TUBA1C: variants seen among roughly 807,000 people sequenced by gnomAD.
TUBA1C encodes the protein tubulin alpha 1c.
A neutral mutation model predicts 34.9 loss-of-function variants in TUBA1C; 16 were observed. That is an observed-to-expected ratio of 0.46 (90% CI 0.31 to 0.70). The LOEUF is 0.70. Among genes scored for constraint, TUBA1C ranks in the 30% least tolerant of loss-of-function variants. The pLI, the probability that TUBA1C is intolerant of heterozygous loss-of-function variation, is 0.05. For synonymous variants in TUBA1C, 177 were observed against 215.9 expected, an observed-to-expected ratio of 0.82 and a Z score of 1.58; for missense variants, 329 against 587.3, an observed-to-expected ratio of 0.56 and a Z score of 4.55.
chr12:49,267,330 T>A (rs944230908), intron 1 of TUBA1C, among the ~76,000 whole-genome samples: 9 of 152,236 alleles, frequency 5.9e-5, no homozygotes, highest in African/African-American at 2.2e-4. Flanking sequence ...TATCTCCAGC[T>A]TTTTGGGGCT....
At chr12:49,252,104 G>T (rs1942737461) in intron 1 of TUBA1C, among the ~76,000 whole-genome samples, 1 of 152,180 alleles carries the variant, frequency 6.6e-6, no homozygotes, top group Non-Finnish European at 1.5e-5. Flanking sequence ...CTGTTCAGCA[G>T]TAAGAAGGAA....
At chr12:49,239,683 G>C (rs1466330702) in intron 1 of TUBA1C, among the ~76,000 whole-genome samples, 1 of 151,898 alleles carries the variant, frequency 6.6e-6, no homozygotes, top group African/African-American at 2.4e-5. Context: ...GTGAAGCTGG[G>C]TGCAGCTGCG....
chr12:49,259,322 C>T (rs899059504), intron 1 of TUBA1C, among the ~76,000 whole-genome samples: 23 of 151,490 alleles, frequency 1.5e-4, no homozygotes, highest in South Asian at 6.2e-4. Context: ...ACCTCTGCCT[C>T]CCGGGTTCAA....
intron 1 of TUBA1C, among the ~76,000 whole-genome samples, chr12:49,254,657 TGGGAACCCGGTAGTTTA>T (rs1942765094): frequency 6.6e-6 from 1 of 152,158 alleles, no homozygotes; most frequent in South Asian, 2.1e-4. Context: ...TTTGGAACTC[TGGGAACCCGGTAGTTTA>T]GGGATTTTTA....
chr12:49,264,796 GCCCTTCCTCCCCTTCCTC>G (rs537926254), upstream of TUBA1C: 3,923 of 128,128 alleles, frequency 0.031, 129 homozygotes, highest in African/African-American at 0.063. Context: ...AGCCCTTCCT[GCCCTTCCTCCCCTTCCTC>G]CCCTTCCTCC....
chr12:49,257,959 A>G (rs1231585576), intron 1 of TUBA1C: 6 of 164,616 alleles, frequency 3.6e-5, no homozygotes, highest in Non-Finnish European at 8.1e-5. Context: ...TCCGGGTTCC[A>G]GTGATCCTCC....
chr12:49,265,674 C>A (rs936056481), intron 1 of TUBA1C, among the ~76,000 whole-genome samples: 3 of 152,204 alleles, frequency 2.0e-5, no homozygotes, highest in Non-Finnish European at 1.5e-5. Flanking sequence ...TGGCCCTGCC[C>A]TGGGGAGAGC....
In TUBA1C at chr12:49,266,443, A is replaced by C. The variant is rs374749727; in HGVS notation, c.3+1259A>C. 2.6e-3 allele frequency among the ~76,000 whole-genome samples: 395 copies of C among 152,078 alleles called. 4 individuals are homozygous for C. Among genetic ancestry groups the C allele is most frequent in the East Asian group, 0.022 (113 of 5,158 alleles). On this transcript the variant is annotated intron_variant, in intron 1 of 3. Coordinates refer to ENST00000301072, the MANE Select transcript of TUBA1C (RefSeq NM_032704.5). ...AGACTCCGTCCAAAAACAAAAAAAA[A>C]CCCGCAAACCCCAGAGTAAACTAGT...
chr12:49,245,600 C>T (rs944481056), intron 1 of TUBA1C, among the ~76,000 whole-genome samples: 3 of 152,074 alleles, frequency 2.0e-5, no homozygotes, highest in Non-Finnish European at 4.4e-5. Flanking sequence ...ACCTGAGAAG[C>T]GTTTATGTTT....
chr12:49,251,752 C>T (rs59058328), intron 1 of TUBA1C, among the ~76,000 whole-genome samples: 5,393 of 145,668 alleles, frequency 0.037, 138 homozygotes, highest in East Asian at 0.12. Context: ...CCAGCTTGGG[C>T]GACAGAGCGA....
intron 1 of TUBA1C, among the ~76,000 whole-genome samples, chr12:49,235,311 A>G (rs1942542339): frequency 6.6e-6 from 1 of 151,406 alleles, no homozygotes; most frequent in Non-Finnish European, 1.5e-5. Context: ...AGCTTGGAGG[A>G]CAGCTCGCGA....
intron 1 of TUBA1C, among the ~76,000 whole-genome samples, chr12:49,235,551 A>G (rs567020571): frequency 2.1e-3 from 326 of 152,188 alleles, no homozygotes; most frequent in Middle Eastern, 0.014. Context: ...TCTGGCCAAC[A>G]TGGTGAAACC....
At chr12:49,270,230 CTGAG>C in intron 3 of TUBA1C, 4 of 655,994 alleles carry the variant, frequency 6.1e-6, no homozygotes, top group Non-Finnish European at 1.0e-5. Flanking sequence ...CTTAGTCATA[CTGAG>C]TGAGTAGGTA....
chr12:49,245,489 G>A (rs1942657740), intron 1 of TUBA1C, among the ~76,000 whole-genome samples: 2 of 152,160 alleles, frequency 1.3e-5, no homozygotes, highest in Admixed American at 6.6e-5. Flanking sequence ...CATGCCTGTA[G>A]TCACAGCTAC....
intron 1 of TUBA1C, among the ~76,000 whole-genome samples, chr12:49,267,601 C>T (rs912699230): frequency 6.6e-6 from 1 of 152,156 alleles, no homozygotes; most frequent in Non-Finnish European, 1.5e-5. Context: ...GGAGTTTCCA[C>T]TGCACTCCAG....
At position 49,273,294 on chromosome 12, in the gene TUBA1C, T is replaced by C; in HGVS notation, c.*67T>C. 1 of 1,612,060 alleles carries C rather than the reference T, an allele frequency of 6.2e-7. No individual in the cohort carries two copies. Among genetic ancestry groups the C allele is most frequent in the Non-Finnish European group, 8.5e-7 (1 of 1,178,518 alleles). ...CTTATTTTTGTTCTGTAAATGTCTA[T>C]TGCCGTAAATTGTTAATAAAATTGA... On this transcript the variant is annotated 3_prime_UTR_variant, in exon 4 of 4. Coordinates refer to ENST00000301072, the MANE Select transcript of TUBA1C (RefSeq NM_032704.5).
In TUBA1C at chr12:49,258,506, C is replaced by T. The variant is rs185162268; in HGVS notation, c.214-10959C>T. ...GAACTGGTGTGATCTGGGCTCACTG[C>T]AACCTCCACCTCCCTATTTCAAGCG... On this transcript the variant is annotated intron_variant, in intron 1 of 3. Coordinates refer to the TUBA1C transcript ENST00000541364. Among the ~76,000 whole-genome samples, 221 of 152,240 alleles carry T rather than the reference C, an allele frequency of 1.5e-3. 1 individual carries two copies. The highest frequency in any genetic ancestry group is 5.2e-3 in the African/African-American group (214 of 41,548).
chr12:49,253,986 G>A (rs1406480593), intron 1 of TUBA1C, among the ~76,000 whole-genome samples: 1 of 152,118 alleles, frequency 6.6e-6, no homozygotes, highest in African/African-American at 2.4e-5. Context: ...ATCAGGGACG[G>A]GGAGCCCTAC....
intron 1 of TUBA1C, among the ~76,000 whole-genome samples, chr12:49,257,368 A>C (rs913253525): frequency 6.6e-6 from 1 of 152,182 alleles, no homozygotes; most frequent in Non-Finnish European, 1.5e-5. Flanking sequence ...TGAAGAATAA[A>C]TAAGTTAAAG....
Sources: allele counts gnomAD v4.1 joint callset (sites outside exome capture counted in the v4.1 genomes callset), GRCh38; gene constraint gnomAD v4.1.1; transcripts MANE v1.5; gene names NCBI Gene and HGNC (gene_info 2026-07-23, HGNC 2026-07-21).